PDE4D: variants seen among roughly 807,000 people sequenced by gnomAD.
PDE4D encodes phosphodiesterase 4D, also known as 3',5'-cyclic-AMP phosphodiesterase 4D.
A neutral mutation model predicts 87.4 loss-of-function variants in PDE4D; 24 were observed. The observed-to-expected ratio is 0.27, with a 90% CI of 0.20 to 0.39. The LOEUF is 0.39. Among genes scored for constraint, PDE4D ranks in the 10% least tolerant of loss-of-function variants. The pLI is 1.00. For missense variants in PDE4D, 714 were observed against 1,041.0 expected (o/e 0.69, Z 4.32); for synonymous variants, 384 against 383.2 (o/e 1.00, Z -0.02).
intron 1 of PDE4D, among the ~76,000 whole-genome samples, chr5:60,329,494 T>C (rs967588209): frequency 1.4e-4 from 22 of 152,222 alleles, no homozygotes; most frequent in African/African-American, 5.1e-4. Flanking sequence ...TATGTCTTTA[T>C]TAGCAGCATG....
chr5:59,055,417 C>T (rs1472049370), intron 5 of PDE4D, among the ~76,000 whole-genome samples: 1 of 152,068 alleles, frequency 6.6e-6, no homozygotes, highest in East Asian at 1.9e-4. Context: ...ATTCGAAGTC[C>T]CTATAAAATC....
chr5:60,094,689 T>C (rs1412099315), intron 2 of PDE4D, among the ~76,000 whole-genome samples: 1 of 148,718 alleles, frequency 6.7e-6, no homozygotes, highest in African/African-American at 2.5e-5. Flanking sequence ...GGGAAGGAAG[T>C]TGTCTATCTA....
At chr5:60,226,791 G>A (rs1423187648) in intron 1 of PDE4D, among the ~76,000 whole-genome samples, 1 of 151,308 alleles carries the variant, frequency 6.6e-6, no homozygotes, top group Non-Finnish European at 1.5e-5. Flanking sequence ...CCAGTCCCAA[G>A]CCATCCTTCT....
chr5:59,406,394 T>C (rs28713675), intron 1 of PDE4D, among the ~76,000 whole-genome samples: 5 of 18,694 alleles, frequency 2.7e-4, no homozygotes, highest in African/African-American at 6.9e-4. Context: ...TTATCTTTCC[T>C]TCCCCCCCCC....
intron 1 of PDE4D, among the ~76,000 whole-genome samples, chr5:59,252,695 A>G (rs939360331): frequency 3.3e-5 from 5 of 151,814 alleles, no homozygotes; most frequent in African/African-American, 1.2e-4. Flanking sequence ...AGAATTTTTA[A>G]AAATATTTTT....
intron 2 of PDE4D, among the ~76,000 whole-genome samples, chr5:60,072,936 G>C (rs1478741606): frequency 6.6e-6 from 1 of 152,110 alleles, no homozygotes; most frequent in Non-Finnish European, 1.5e-5. Context: ...GATGCCTCCA[G>C]ATTTGTTCTT....
chr5:59,933,014 A>G (rs1756146976), intron 3 of PDE4D, among the ~76,000 whole-genome samples: 2 of 152,058 alleles, frequency 1.3e-5, no homozygotes, highest in Non-Finnish European at 2.9e-5. Flanking sequence ...CCAAAACACT[A>G]TGGGACTCAG....
chr5:59,839,439 G>GT (rs1742649834), intron 1 of PDE4D, among the ~76,000 whole-genome samples: 1 of 151,642 alleles, frequency 6.6e-6, no homozygotes, highest in Non-Finnish European at 1.5e-5. Flanking sequence ...TGTTTTTCAG[G>GT]TTTTTTGCTG....
chr5:60,332,534 T>A (rs1757395708), intron 1 of PDE4D, among the ~76,000 whole-genome samples: 1 of 152,306 alleles, frequency 6.6e-6, no homozygotes, highest in South Asian at 2.1e-4. Flanking sequence ...TGTTTTTATG[T>A]CTGCATAGTA....
chr5:60,265,679 T>C (rs947590457), intron 1 of PDE4D, among the ~76,000 whole-genome samples: 1 of 152,058 alleles, frequency 6.6e-6, no homozygotes, highest in African/African-American at 2.4e-5. Flanking sequence ...AAAAACCCTT[T>C]TTCTGTTCCA....
intron 11 of PDE4D, 95 bp from the exon 12 acceptor site, chr5:58,977,440 A>G: frequency 8.9e-7 from 1 of 1,120,336 alleles, no homozygotes; most frequent in Non-Finnish European, 1.3e-6. Flanking sequence ...AATTTCCCCT[A>G]AACTTCTCTG....
At chr5:59,497,921 G>C (rs1229716524) in intron 1 of PDE4D, among the ~76,000 whole-genome samples, 1 of 152,030 alleles carries the variant, frequency 6.6e-6, no homozygotes, top group Non-Finnish European at 1.5e-5. Flanking sequence ...ACGGCAGCTA[G>C]AGAAAACAGT....
chr5:59,201,093 T>C (rs956801440), intron 2 of PDE4D, among the ~76,000 whole-genome samples: 3 of 152,256 alleles, frequency 2.0e-5, no homozygotes, highest in African/African-American at 7.2e-5. Flanking sequence ...TAAGCATTGA[T>C]TCTATTTTTA....
intron 1 of PDE4D, among the ~76,000 whole-genome samples, chr5:59,554,213 T>A (rs367870207): frequency 8.5e-5 from 13 of 152,160 alleles, no homozygotes; most frequent in African/African-American, 3.1e-4. Flanking sequence ...TTGACTCAAC[T>A]TTTTTTCTGA....
intron 1 of PDE4D, among the ~76,000 whole-genome samples, chr5:59,362,447 G>C (rs1782365853): frequency 6.6e-6 from 1 of 152,056 alleles, no homozygotes; most frequent in Non-Finnish European, 1.5e-5. Flanking sequence ...TTAATCATAT[G>C]AAGAAATGTT....
At chr5:59,507,586 G>A (rs1809489535) in intron 1 of PDE4D, among the ~76,000 whole-genome samples, 1 of 147,542 alleles carries the variant, frequency 6.8e-6, no homozygotes, top group South Asian at 2.1e-4. Context: ...GACTGCTTGA[G>A]CCCAGGAGTT....
intron 5 of PDE4D, among the ~76,000 whole-genome samples, chr5:59,088,752 C>T (rs978319069): frequency 1.3e-5 from 2 of 152,076 alleles, no homozygotes; most frequent in African/African-American, 4.8e-5. Flanking sequence ...CTCATGGACA[C>T]ATAGAGGGAA....
intron 1 of PDE4D, among the ~76,000 whole-genome samples, chr5:60,234,084 G>T (rs1277510844): frequency 3.3e-5 from 5 of 151,624 alleles, no homozygotes; most frequent in Admixed American, 6.6e-5. Context: ...AAAACAACAG[G>T]TCCATTAACA....
At chr5:59,372,356 A>G (rs945031480) in intron 1 of PDE4D, among the ~76,000 whole-genome samples, 1 of 152,262 alleles carries the variant, frequency 6.6e-6, no homozygotes, top group Non-Finnish European at 1.5e-5. Context: ...TGTTGGACAC[A>G]TCTTTGAAAA....
Sources: allele counts gnomAD v4.1 joint callset (sites outside exome capture counted in the v4.1 genomes callset), GRCh38; gene constraint gnomAD v4.1.1; transcripts MANE v1.5; gene names NCBI Gene and HGNC (gene_info 2026-07-23, HGNC 2026-07-21).